The following XKRX variants were observed in gnomAD, a reference collection of about 807,000 sequenced individuals.
The protein encoded by XKRX is XK-related protein 2.
In XKRX, 11 loss-of-function variants were observed where a neutral mutation model predicts 22.4. The observed-to-expected ratio is 0.49, with a 90% CI of 0.31 to 0.81. The LOEUF (loss-of-function observed/expected upper bound fraction) is 0.81. Ranked by LOEUF, XKRX falls within the 40% of genes least tolerant of loss-of-function variation. XKRX has a pLI of 0.05. For synonymous variants in XKRX, 114 were observed against 132.2 expected (o/e 0.86, Z 0.94); for missense variants, 320 against 336.5 (o/e 0.95, Z 0.38).
the XKRX span, among the ~76,000 whole-genome samples, chrX:100,949,381 A>ATTTTT: frequency 2.5e-4 from 22 of 86,929 alleles, 1 homozygote; most frequent in South Asian, 1.0e-3. Context: ...TTTTTTTTTG[A>ATTTTT]GAGAGACGGA....
Position 100,914,486 on chromosome X carries a change from A to G in XKRX, c.1202T>C (p.Phe401Ser). Residue 401 changes from phenylalanine to serine, a missense_variant, in exon 3 of 3, where the codon TTC becomes TCC. By Grantham distance (155) the Phe-to-Ser change is radical (BLOSUM62 -2). Coordinates refer to ENST00000372956, the MANE Select transcript of XKRX (RefSeq NM_212559.3). ...YLISIGFMLL[F>S]FQYLHPLRSL... ...GCGCAATGGATGCAAGTACTGGAAG[A>G]AAAGGAGCATGAAGCCAATGGAAAT... 1.7e-6 allele frequency: 2 copies of G among 1,212,119 alleles called. No individual in the cohort carries two copies. Among genetic ancestry groups the G allele is most frequent in the African/African-American group, 3.5e-5 (2 of 57,925 alleles).
downstream of XKRX, chrX:100,911,570 C>T: frequency 1.9e-6 from 1 of 528,405 alleles, no homozygotes; most frequent in Non-Finnish European, 3.5e-6. Context: ...CTGAATACCA[C>T]CAAACAGCCT....
chrX:100,913,325 AAAC>A (rs1004650338), downstream of XKRX: 3 of 109,586 alleles, frequency 2.7e-5, no homozygotes, highest in African/African-American at 1.0e-4. Flanking sequence ...TCCCAATCGC[AAAC>A]AACATGAAGG....
At chrX:100,946,039 A>G in the XKRX span, among the ~76,000 whole-genome samples, 7 of 107,659 alleles carry the variant, frequency 6.5e-5, no homozygotes, top group Admixed American at 5.0e-4. Context: ...ACAAAAAATT[A>G]GCTGGGCATG....
the XKRX span, among the ~76,000 whole-genome samples, chrX:100,945,595 C>T: frequency 9.0e-6 from 1 of 111,064 alleles, no homozygotes; most frequent in African/African-American, 3.3e-5. Flanking sequence ...GTCAGGCAGA[C>T]CTGAATTTCA....
At chrX:100,938,400 G>A in the XKRX span, among the ~76,000 whole-genome samples, 2 of 111,449 alleles carry the variant, frequency 1.8e-5, no homozygotes, top group African/African-American at 6.5e-5. Context: ...AGGCTGAGGC[G>A]GGCGGATCAC....
intron 2 of XKRX, among the ~76,000 whole-genome samples, chrX:100,918,886 G>C (rs2085458183): frequency 1.8e-5 from 2 of 109,710 alleles, no homozygotes; most frequent in Admixed American, 9.9e-5. Context: ...AAGTATGGTA[G>C]GTGGGTTTAC....
Position 100,914,986 on chromosome X carries a change from G to A in XKRX, c.702C>T (p.Arg234=). 8.3e-7 allele frequency: 1 copy of A among 1,211,801 alleles called. No homozygotes were observed. Among genetic ancestry groups the A allele is most frequent in the Non-Finnish European group, 1.1e-6 (1 of 895,569 alleles). Reference sequence around the variant, plus strand: ...TGCAGAGGACTTCTAGTGGCCCAAGGCGAATCTTGTAGTCATCGTACTTGA... The same window carrying A: ...TGCAGAGGACTTCTAGTGGCCCAAGACGAATCTTGTAGTCATCGTACTTGA... ...IQIKYDDYKI[R]LGPLEVLCIT... is the part of the protein sequence containing the mutation. Residue 234 remains arginine, a synonymous_variant, in exon 3 of 3, where the codon CGC becomes CGT. Coordinates refer to ENST00000372956, the MANE Select transcript of XKRX (RefSeq NM_212559.3).
the XKRX span, among the ~76,000 whole-genome samples, chrX:100,889,694 C>T: frequency 9.0e-6 from 1 of 111,536 alleles, no homozygotes; most frequent in Non-Finnish European, 1.9e-5. Context: ...ACAGATTCTT[C>T]CTCACAGCCC....
the XKRX span, among the ~76,000 whole-genome samples, chrX:100,942,005 AC>A: frequency 4.9e-4 from 54 of 109,333 alleles, no homozygotes; most frequent in African/African-American, 1.7e-3. Flanking sequence ...ACACCACCGC[AC>A]CCGGCTAATT....
chrX:100,886,939 T>C, the XKRX span, among the ~76,000 whole-genome samples: 1 of 112,504 alleles, frequency 8.9e-6, no homozygotes, highest in Non-Finnish European at 1.9e-5. Context: ...GAGAATTAAA[T>C]TGTTTATTGA....
At chrX:100,943,678 A>G in the XKRX span, among the ~76,000 whole-genome samples, 1 of 112,224 alleles carries the variant, frequency 8.9e-6, no homozygotes, top group Non-Finnish European at 1.9e-5. Context: ...TGCTGGGATT[A>G]CAGGTGTGAG....
At position 100,917,686 on chromosome X, in the gene XKRX, G is replaced by GAAAGA. The variant is rs1569454765; in HGVS notation, c.605-2608_605-2604dup. Among the ~76,000 whole-genome samples, 201 of 91,943 alleles carry GAAAGA rather than the reference G, an allele frequency of 2.2e-3. 1 individual carries two copies. The highest frequency in any genetic ancestry group is 8.8e-3 in the African/African-American group (193 of 21,818). 79.8% of individuals were successfully genotyped at this position (91,943 alleles called of 115,157 possible). On this transcript the variant is annotated intron_variant, in intron 2 of 2. Transcript: ENST00000372956. Reference sequence around the variant, plus strand: ...GAAAGAAAGAAAGAAAAGAAAGAAAGAAAGAAAGAAAGAAAGAAAGAAAGA... The same window carrying GAAAGA: ...GAAAGAAAGAAAGAAAAGAAAGAAAGAAAGAAAAGAAAGAAAGAAAGAAAGAAAGA...
the XKRX span, among the ~76,000 whole-genome samples, chrX:100,959,076 T>C: frequency 3.6e-5 from 4 of 111,813 alleles, no homozygotes; most frequent in African/African-American, 1.3e-4. Flanking sequence ...TCCTTTTATA[T>C]ATTAATACAA....
chrX:100,900,851 A>G, the XKRX span, among the ~76,000 whole-genome samples: 14 of 96,423 alleles, frequency 1.5e-4, no homozygotes, highest in Admixed American at 6.2e-4. Flanking sequence ...GTGCAGTGTC[A>G]CGATCTCGGC....
chrX:100,915,388 TA>T (rs911187266), intron 2 of XKRX, among the ~76,000 whole-genome samples: 40 of 103,756 alleles, frequency 3.9e-4, no homozygotes, highest in South Asian at 1.3e-3. Flanking sequence ...TGGCTATTAT[TA>T]AAAAAAAAAA....
rs72615561 is a variant in XKRX at position 100,919,026 on chromosome X, A to G, written c.604+3767T>C. On this transcript the variant is annotated intron_variant, in intron 2 of 2. Transcript: ENST00000372956. Reference sequence around the variant, plus strand: ...CTATACAACTTTACTGAAGAAAACTATACAATTTTACTGAGGTACATGTTA... The same window carrying G: ...CTATACAACTTTACTGAAGAAAACTGTACAATTTTACTGAGGTACATGTTA... 9.7e-3 allele frequency among the ~76,000 whole-genome samples: 1,080 copies of G among 111,830 alleles called. 47 individuals are homozygous for G. Among genetic ancestry groups the G allele is most frequent in the Admixed American group, 0.088 (911 of 10,379 alleles).
the XKRX span, among the ~76,000 whole-genome samples, chrX:100,942,963 C>T: frequency 9.0e-6 from 1 of 111,690 alleles, no homozygotes; most frequent in Non-Finnish European, 1.9e-5. Flanking sequence ...ACTCACCATG[C>T]TCCCATAACA....
At chrX:100,956,701 A>G in the XKRX span, 1 of 555,417 alleles carries the variant, frequency 1.8e-6, no homozygotes, top group Non-Finnish European at 3.3e-6. Flanking sequence ...GAAGAGCAAG[A>G]TGATTGACAT....
Sources: gnomAD v4.1 joint callset for allele counts (sites outside exome capture counted in the v4.1 genomes callset) on GRCh38, gnomAD v4.1.1 for gene constraint, MANE v1.5 for transcripts, NCBI Gene and HGNC (gene_info 2026-07-23, HGNC 2026-07-21) for gene names.